The following SRSF11 variants were observed in gnomAD, a reference collection of about 807,000 sequenced individuals.
SRSF11 encodes serine and arginine rich splicing factor 11, also known as serine/arginine-rich splicing factor 11.
Under a neutral mutation model 56.0 loss-of-function variants are expected in SRSF11, and 9 were observed. That is an observed-to-expected ratio of 0.16 (90% CI 0.10 to 0.28). The LOEUF (loss-of-function observed/expected upper bound fraction) is 0.28. Among genes scored for constraint, SRSF11 ranks in the 10% least tolerant of loss-of-function variants. SRSF11 has a pLI of 1.00. For synonymous variants in SRSF11, 222 were observed against 215.3 expected, an observed-to-expected ratio of 1.03 and a Z score of -0.27; for missense variants, 421 against 600.7, an observed-to-expected ratio of 0.70 and a Z score of 3.13.
chr1:70,208,780 A>T (rs1204845441), intron 1 of SRSF11, among the ~76,000 whole-genome samples: 1 of 152,236 alleles, frequency 6.6e-6, no homozygotes, highest in Non-Finnish European at 1.5e-5. Flanking sequence ...TTCTTTATGA[A>T]AAGATAGTTA....
intron 7 of SRSF11, among the ~76,000 whole-genome samples, chr1:70,240,165 G>A (rs924843981): frequency 6.6e-6 from 1 of 152,142 alleles, no homozygotes; most frequent in African/African-American, 2.4e-5. Context: ...AGTGATTTAT[G>A]CATACTTTCC....
intron 1 of SRSF11, among the ~76,000 whole-genome samples, chr1:70,207,578 T>C (rs1338590197): frequency 6.6e-6 from 1 of 152,116 alleles, no homozygotes; most frequent in African/African-American, 2.4e-5. Context: ...TTTAAGAAGA[T>C]TTCTTTATTA....
Position 70,221,636 on chromosome 1 carries a change from C to T in SRSF11, c.-1C>T, listed in dbSNP as rs201646424. The T allele has an allele frequency of 5.6e-5, 90 of 1,608,780 alleles. No homozygotes were observed. Among genetic ancestry groups the T allele is most frequent in the Non-Finnish European group, 7.4e-5 (87 of 1,177,500 alleles). ...GCAGGAGCGAGAACCCGAGCAGCGCCATGAGCAACACTACCGTCGTCCCCA... is the reference window on the plus strand; with the variant it reads ...GCAGGAGCGAGAACCCGAGCAGCGCTATGAGCAACACTACCGTCGTCCCCA... On this transcript the variant is annotated 5_prime_UTR_variant, in exon 1 of 12. Coordinates refer to ENST00000370949, the MANE Select transcript of SRSF11 (RefSeq NM_001350605.2).
At chr1:70,211,428 T>A (rs1362348931) in intron 1 of SRSF11, among the ~76,000 whole-genome samples, 1 of 152,160 alleles carries the variant, frequency 6.6e-6, no homozygotes, top group African/African-American at 2.4e-5. Flanking sequence ...AAATACTGTT[T>A]ATGTAGCAAA....
chr1:70,228,979 T>G (rs1486121749), intron 2 of SRSF11: 1 of 983,568 alleles, frequency 1.0e-6, no homozygotes, highest in Admixed American at 6.2e-5. Flanking sequence ...TCTTAAAGCT[T>G]CCTCACATTG....
At chr1:70,206,207 G>T (rs962528059) in intron 1 of SRSF11, among the ~76,000 whole-genome samples, 2 of 152,192 alleles carry the variant, frequency 1.3e-5, no homozygotes, top group Non-Finnish European at 2.9e-5. Flanking sequence ...ACAGTTTAGG[G>T]AGACAAGTAG....
Position 70,251,206 on chromosome 1 carries a change from A to G in SRSF11, c.*401A>G, listed in dbSNP as rs1051550104. On this transcript the variant is annotated 3_prime_UTR_variant, in exon 12 of 12. Coordinates refer to ENST00000370949, the MANE Select transcript of SRSF11 (RefSeq NM_001350605.2). The stretch of plus-strand genomic sequence containing the variant: ...GCCATGTAGGAAATGCACTGATTGC[A>G]TGTTATTGTGGCAAGAATATCCTAA... 2 of 166,626 alleles carry G rather than the reference A, an allele frequency of 1.2e-5. No individual in the cohort carries two copies. The highest frequency in any genetic ancestry group is 4.8e-5 in the African/African-American group (2 of 41,792). 10.3% of individuals were successfully genotyped at this position (166,626 alleles called of 1,614,324 possible).
At position 70,252,493 on chromosome 1, in the gene SRSF11, T is replaced by G. The variant is rs1347347316; in HGVS notation, c.*1688T>G. 6.6e-6 allele frequency: 1 copy of G among 152,154 alleles called. No homozygotes were observed. The highest frequency in any genetic ancestry group is 2.1e-4 in the South Asian group (1 of 4,836). The allele number at this position is 152,154 out of a possible 1,614,324, so 9.4% of individuals were successfully genotyped here. On this transcript the variant is annotated 3_prime_UTR_variant, in exon 12 of 12. Transcript: ENST00000370949. ...TTTGAGTATAAATAGGGTTTTGTTTTGTTTTTTTTAACCTAAAAACTGAAA... is the reference window on the plus strand; with the variant it reads ...TTTGAGTATAAATAGGGTTTTGTTTGGTTTTTTTTAACCTAAAAACTGAAA...
At chr1:70,232,051 A>AT in intron 2 of SRSF11, 1 of 1,527,510 alleles carries the variant, frequency 6.5e-7, no homozygotes. Context: ...AAACTTAACC[A>AT]TTTGTAGAGA....
rs562370019 is a variant in SRSF11, at chr1:70,237,081, C to T, written c.591-344C>T. Among the ~76,000 whole-genome samples the T allele has an allele frequency of 9.9e-5, 15 of 152,100 alleles. No homozygotes were observed. In the East Asian group the frequency reaches 1.2e-3, roughly 12 times the overall value. On this transcript the variant is annotated intron_variant, in intron 5 of 11. Coordinates refer to ENST00000370949, the MANE Select transcript of SRSF11 (RefSeq NM_001350605.2). ...GGATTACAGGCGTGAGCCACCACACCGGCCCAAAAATTTTTAATTTATATG... is the reference window on the plus strand; with the variant it reads ...GGATTACAGGCGTGAGCCACCACACTGGCCCAAAAATTTTTAATTTATATG...
upstream of SRSF11, among the ~76,000 whole-genome samples, chr1:70,217,616 G>T (rs1670135009): frequency 6.6e-6 from 1 of 152,086 alleles, no homozygotes; most frequent in Admixed American, 6.5e-5. Flanking sequence ...TTTTTTGACT[G>T]CCTCTCAATG....
chr1:70,212,761 T>C (rs914460616), intron 1 of SRSF11, among the ~76,000 whole-genome samples: 3 of 152,210 alleles, frequency 2.0e-5, no homozygotes, highest in Non-Finnish European at 4.4e-5. Context: ...ATTACTATTG[T>C]TAGTCATCAA....
intron 7 of SRSF11, among the ~76,000 whole-genome samples, chr1:70,242,450 C>T (rs1558214293): frequency 6.9e-6 from 1 of 143,904 alleles, no homozygotes; most frequent in African/African-American, 2.6e-5. Context: ...CATGCACCAC[C>T]ACACCTGGCT....
Position 70,221,817 on chromosome 1 carries a change from G to C in SRSF11, c.181G>C (p.Glu61Gln). The part of the protein sequence containing the change: ...TLFGFLGKID[E>Q]LRLFPPDDSP... ...CTTCGGTTTCCTAGGCAAGATCGAC[G>C]AACTGCGCCTCTTCCCGCCGGAGTG... The change falls in exon 1 of 12, where the codon GAA (glutamate) becomes CAA (glutamine). Residue 61 changes from glutamate (E) to glutamine (Q), a missense_variant. This residue lies in a region of SRSF11 where 168 missense variants were observed against 294.9 expected (regional missense o/e 0.57). Coordinates refer to ENST00000370949, the MANE Select transcript of SRSF11 (RefSeq NM_001350605.2). 6.2e-7 allele frequency: 1 copy of C among 1,613,922 alleles called. No individual in the cohort carries two copies. Among genetic ancestry groups the C allele is most frequent in the Non-Finnish European group, 8.5e-7 (1 of 1,179,990 alleles).
intron 2 of SRSF11, chr1:70,229,371 A>G: frequency 8.7e-7 from 1 of 1,154,386 alleles, no homozygotes; most frequent in Non-Finnish European, 1.1e-6. Flanking sequence ...CTCTTTTTAC[A>G]TTTTAGGCTG....
chr1:70,228,851 T>A, intron 2 of SRSF11: 1 of 1,075,204 alleles, frequency 9.3e-7, no homozygotes, highest in Non-Finnish European at 1.1e-6. Context: ...AATTTAATGT[T>A]AAGTTTTATG....
At chr1:70,231,814 A>C (rs1672898480) in intron 2 of SRSF11, 1 of 1,391,844 alleles carries the variant, frequency 7.2e-7, no homozygotes. Flanking sequence ...CCTAAATCAA[A>C]CTTTTTTTGT....
chr1:70,235,777 T>C (rs1008415122), intron 5 of SRSF11, among the ~76,000 whole-genome samples: 3 of 152,236 alleles, frequency 2.0e-5, no homozygotes, highest in African/African-American at 7.2e-5. Context: ...AAATGACTTA[T>C]ACCTGGATGA....
rs1429443073 is a variant in SRSF11 at position 70,251,397 on chromosome 1, T to C, written c.*592T>C. ...GCTTTTGTTTAACTTTGAAAGGTTATTATGCACTAACCTTTTTTGGTGGCT... is the reference window on the plus strand; with the variant it reads ...GCTTTTGTTTAACTTTGAAAGGTTACTATGCACTAACCTTTTTTGGTGGCT... On this transcript the variant is annotated 3_prime_UTR_variant, in exon 12 of 12. Coordinates refer to ENST00000370949, the MANE Select transcript of SRSF11 (RefSeq NM_001350605.2). 6.5e-6 allele frequency: 1 copy of C among 152,772 alleles called. No individual in the cohort carries two copies. Among genetic ancestry groups the C allele is most frequent in the African/African-American group, 2.4e-5 (1 of 41,456 alleles). The allele number at this position is 152,772 out of a possible 1,614,324, so 9.5% of individuals were successfully genotyped here. A position where few individuals can be genotyped will look rare whatever the true frequency, so the allele number is the denominator to read the frequency against.
Sources: allele counts gnomAD v4.1 joint callset (sites outside exome capture counted in the v4.1 genomes callset), GRCh38; gene constraint gnomAD v4.1.1; regional missense constraint gnomAD v4.1.1; transcripts MANE v1.5; gene names NCBI Gene and HGNC (gene_info 2026-07-23, HGNC 2026-07-21).